The following PATJ variants were observed in gnomAD, a reference collection of about 807,000 sequenced individuals.
PATJ encodes the protein inaD-like protein.
Under a neutral mutation model 224.9 loss-of-function variants are expected in PATJ, and 190 were observed. That is an observed-to-expected ratio of 0.84 (90% CI 0.75 to 0.95). PATJ has a LOEUF of 0.95. PATJ is among the 40% of genes least tolerant of loss of function. The pLI, the probability that PATJ is intolerant of heterozygous loss-of-function variation, is 0.00. For missense variants in PATJ, 2,121 were observed against 2,270.3 expected, an observed-to-expected ratio of 0.93 and a Z score of 1.34; for synonymous variants, 769 against 820.3, an observed-to-expected ratio of 0.94 and a Z score of 1.07.
intron 27 of PATJ, among the ~76,000 whole-genome samples, chr1:61,987,495 C>T (rs1282619888): frequency 6.6e-6 from 1 of 152,008 alleles, no homozygotes; most frequent in African/African-American, 2.4e-5. Flanking sequence ...CATTTCTTAA[C>T]CATCTTACCC....
At position 61,965,279 on chromosome 1, in the gene PATJ, T is replaced by G. The variant is rs182590461; in HGVS notation, c.3671-24889T>G. 4.2e-3 allele frequency among the ~76,000 whole-genome samples: 642 copies of G among 151,824 alleles called. 5 individuals carry two copies. Among genetic ancestry groups the G allele is most frequent in the South Asian group, 0.022 (103 of 4,786 alleles). ...ATCTTAAGGACACATGGCTAATGCCTACCTCAAAAATTAGTTTCAGGATTC... is the reference window on the plus strand; with the variant it reads ...ATCTTAAGGACACATGGCTAATGCCGACCTCAAAAATTAGTTTCAGGATTC... On this transcript the variant is annotated intron_variant, in intron 27 of 43. Transcript: ENST00000642238.
intron 38 of PATJ, among the ~76,000 whole-genome samples, chr1:62,121,728 C>T (rs139532600): frequency 1.3e-5 from 2 of 151,364 alleles, no homozygotes; most frequent in African/African-American, 4.9e-5. Flanking sequence ...GAGCCAAGAT[C>T]GTGCCACTGC....
At chr1:61,825,580 A>T (rs1658097106) in intron 15 of PATJ, among the ~76,000 whole-genome samples, 1 of 152,082 alleles carries the variant, frequency 6.6e-6, no homozygotes, top group South Asian at 2.1e-4. Context: ...GGGTTAGAAC[A>T]CTGTGCCAAG....
intron 31 of PATJ, among the ~76,000 whole-genome samples, chr1:62,078,161 T>C (rs1658641269): frequency 6.6e-6 from 1 of 152,226 alleles, no homozygotes; most frequent in Non-Finnish European, 1.5e-5. Flanking sequence ...CTCTTCCAGC[T>C]GGGGATGGGT....
At chr1:61,998,953 A>G (rs556797424) in intron 28 of PATJ, among the ~76,000 whole-genome samples, 1 of 152,208 alleles carries the variant, frequency 6.6e-6, no homozygotes, top group East Asian at 1.9e-4. Context: ...ATTTTTTATT[A>G]CTGCAGTCCT....
rs1456819393 is a variant in PATJ at position 61,856,048 on chromosome 1, A to T, written c.2131A>T (p.Arg711Ter). 6.2e-7 allele frequency: 1 copy of T among 1,614,062 alleles called. No individual in the cohort carries two copies. Among genetic ancestry groups the T allele is most frequent in the Admixed American group, 1.7e-5 (1 of 60,016 alleles). ...LDYQDPLDPT[R>*]SVIVIRSLVA... ...TTCACAGGACCCTTTAGATCCTACAAGATCAGTGATTGTGATCCGCTCCCT... is the reference window on the plus strand; with the variant it reads ...TTCACAGGACCCTTTAGATCCTACATGATCAGTGATTGTGATCCGCTCCCT... Residue 711 changes from arginine to a stop codon, truncating the protein, a stop_gained, in exon 18 of 44, where the codon AGA becomes TGA. Transcript: ENST00000642238. LOFTEE classifies it high-confidence loss of function.
chr1:61,844,247 A>T (rs1014285356), intron 17 of PATJ, among the ~76,000 whole-genome samples: 8 of 152,242 alleles, frequency 5.3e-5, no homozygotes, highest in Non-Finnish European at 1.0e-4. Context: ...GGGATTGGAC[A>T]TTCCAGCCAC....
intron 17 of PATJ, among the ~76,000 whole-genome samples, chr1:61,847,088 T>C (rs906343637): frequency 6.6e-6 from 1 of 152,190 alleles, no homozygotes; most frequent in Non-Finnish European, 1.5e-5. Flanking sequence ...AACATAAAAT[T>C]TTCAAGAGAT....
chr1:61,861,704 C>A, intron 19 of PATJ, 37 bp downstream of exon 19: 1 of 887,754 alleles, frequency 1.1e-6, no homozygotes, highest in Non-Finnish European at 1.7e-6. Context: ...GAATGATTTG[C>A]TATGAGCTAA....
intron 34 of PATJ, among the ~76,000 whole-genome samples, chr1:62,111,777 C>G (rs2148882684): frequency 6.6e-6 from 1 of 151,864 alleles, no homozygotes; most frequent in South Asian, 2.1e-4. Flanking sequence ...TCTCCTGCCT[C>G]AGCCTCCCAA....
At chr1:61,896,877 C>T (rs759383707) in intron 22 of PATJ, among the ~76,000 whole-genome samples, 3 of 152,134 alleles carry the variant, frequency 2.0e-5, no homozygotes, top group Non-Finnish European at 4.4e-5. Context: ...TGTAAGTTTC[C>T]TGAAGCTTCC....
At chr1:61,791,560 T>C in intron 9 of PATJ, 113 bp downstream of exon 9, 1 of 640,536 alleles carries the variant, frequency 1.6e-6, no homozygotes, top group Non-Finnish European at 2.7e-6. Flanking sequence ...AATAAAACCA[T>C]GAGTCTATAC....
chr1:61,982,087 A>G (rs1344649758), intron 27 of PATJ, among the ~76,000 whole-genome samples: 1 of 151,928 alleles, frequency 6.6e-6, no homozygotes, highest in African/African-American at 2.4e-5. Context: ...TGACCTTCTT[A>G]GGTTTTGTGG....
chr1:61,982,507 G>A (rs995065320), intron 27 of PATJ, among the ~76,000 whole-genome samples: 1 of 152,012 alleles, frequency 6.6e-6, no homozygotes, highest in African/African-American at 2.4e-5. Flanking sequence ...AGGCATTTAC[G>A]AAGGTGTGGG....
In PATJ at chr1:61,769,415, G is replaced by A. The variant is rs1230481578; in HGVS notation, c.517G>A (p.Ala173Thr). ...GAAGGATGTCCAGCCAGGGAGTGTAGCAGACAGGTGAGGAAGCTGTTTATT... is the reference window on the plus strand; with the variant it reads ...GAAGGATGTCCAGCCAGGGAGTGTAACAGACAGGTGAGGAAGCTGTTTATT... ...FVKDVQPGSV[A>T]DRDQRLKEND... Residue 173 changes from alanine (A) to threonine (T), a missense_variant, in exon 5 of 44, where the codon GCA becomes ACA. Coordinates refer to ENST00000642238, the MANE Select transcript of PATJ (RefSeq NM_001350145.3). 1 of 1,613,098 alleles carries A rather than the reference G, an allele frequency of 6.2e-7. No homozygotes were observed. The highest frequency in any genetic ancestry group is 8.5e-7 in the Non-Finnish European group (1 of 1,179,782).
intron 28 of PATJ, among the ~76,000 whole-genome samples, chr1:62,012,690 T>G (rs1646522931): frequency 1.4e-5 from 2 of 147,150 alleles, no homozygotes; most frequent in African/African-American, 2.4e-5. Context: ...AGTTGGAAGC[T>G]GTATAACTTT....
chr1:62,062,325 A>G (rs1309710802), intron 31 of PATJ, among the ~76,000 whole-genome samples: 1 of 127,146 alleles, frequency 7.9e-6, no homozygotes, highest in Non-Finnish European at 1.6e-5. Context: ...TTTGATTTGC[A>G]TTTCTCTGGT....
rs570494449 is a variant in PATJ, at chr1:62,007,487, T to G, written c.3868-10369T>G. Reference sequence around the variant, plus strand: ...ATGCCAAGGCAAATTACTGAACATCTGAAAGAGCACAAGACTAGGAGATTG... The same window carrying G: ...ATGCCAAGGCAAATTACTGAACATCGGAAAGAGCACAAGACTAGGAGATTG... On this transcript the variant is annotated intron_variant, in intron 28 of 43. Transcript: ENST00000642238. Among the ~76,000 whole-genome samples, 3 of 152,366 alleles carry G rather than the reference T, an allele frequency of 2.0e-5. No individual in the cohort carries two copies. In the East Asian group the frequency reaches 5.8e-4, roughly 29 times the overall value.
Position 62,116,558 on chromosome 1 carries a change from A to G in PATJ, c.4682A>G (p.Asp1561Gly). The G allele has an allele frequency of 1.2e-6, 2 of 1,614,062 alleles. No homozygotes were observed. Among genetic ancestry groups the G allele is most frequent in the Non-Finnish European group, 1.7e-6 (2 of 1,180,002 alleles). Residue 1561 changes from aspartate (D) to glycine (G), a missense_variant, in exon 36 of 44, where the codon GAC becomes GGC. By Grantham distance (94) the Asp-to-Gly change is moderately conservative (BLOSUM62 -1). Transcript: ENST00000642238. ...AATGGAAGCGGAGTGTTTATTTCTG[A>G]CATCGTGAAAGGCGGAGCCGCAGAC... ...KRNGSGVFIS[D>G]IVKGGAADLD...
Sources: gnomAD v4.1 joint callset for allele counts (sites outside exome capture counted in the v4.1 genomes callset) on GRCh38, gnomAD v4.1.1 for gene constraint, MANE v1.5 for transcripts, NCBI Gene and HGNC (gene_info 2026-07-23, HGNC 2026-07-21) for gene names.